The following CHST8 variants were observed in gnomAD, a reference collection of about 807,000 sequenced individuals.
CHST8 encodes carbohydrate sulfotransferase 8.
In CHST8, 10 loss-of-function variants were observed where a neutral mutation model predicts 15.0. That is an observed-to-expected ratio of 0.67 (90% CI 0.41 to 1.13). The LOEUF is 1.13. CHST8 is among the 50% of genes most tolerant of loss of function. CHST8 has a pLI of 0.00. For synonymous variants in CHST8, 259 were observed against 256.6 expected, an observed-to-expected ratio of 1.01 and a Z score of -0.09; for missense variants, 634 against 608.2, an observed-to-expected ratio of 1.04 and a Z score of -0.45.
chr19:33,662,694 G>A (rs772229370), intron 1 of CHST8, among the ~76,000 whole-genome samples: 18 of 152,192 alleles, frequency 1.2e-4, no homozygotes, highest in Non-Finnish European at 1.8e-4. Context: ...GTGAAGGGAG[G>A]AGGGGAAGAA....
chr19:33,625,786 T>G (rs949172137), intron 1 of CHST8, among the ~76,000 whole-genome samples: 3 of 152,116 alleles, frequency 2.0e-5, no homozygotes, highest in African/African-American at 7.2e-5. Flanking sequence ...CACTTGAACC[T>G]GGGAGACAGA....
intron 3 of CHST8, among the ~76,000 whole-genome samples, chr19:33,696,628 C>T (rs889711543): frequency 6.6e-6 from 1 of 151,992 alleles, no homozygotes; most frequent in Non-Finnish European, 1.5e-5. Context: ...TGAACCACCT[C>T]GAAACCACCA....
At chr19:33,699,916 C>T (rs73926588) in intron 3 of CHST8, among the ~76,000 whole-genome samples, 4,449 of 152,236 alleles carry the variant, frequency 0.029, 197 homozygotes, top group African/African-American at 0.1. Flanking sequence ...ACCACAGGAG[C>T]GCCTGCTAAG....
chr19:33,757,528 G>GAAGGAAAGAA, intron 3 of CHST8, among the ~76,000 whole-genome samples: 1 of 30,870 alleles, frequency 3.2e-5, no homozygotes, highest in African/African-American at 1.3e-4. Context: ...GAAAGAGAAA[G>GAAGGAAAGAA]AAAGAAAGAA....
At chr19:33,690,622 C>G (rs919326927) in intron 3 of CHST8, among the ~76,000 whole-genome samples, 3 of 152,130 alleles carry the variant, frequency 2.0e-5, no homozygotes, top group Non-Finnish European at 2.9e-5. Context: ...AGATGGTGGG[C>G]GAGTCATCGG....
chr19:33,655,228 G>C (rs1442099534), intron 1 of CHST8, among the ~76,000 whole-genome samples: 1 of 152,126 alleles, frequency 6.6e-6, no homozygotes, highest in Non-Finnish European at 1.5e-5. Context: ...GTAGAGACAG[G>C]GTTTTGCCAT....
intron 3 of CHST8, among the ~76,000 whole-genome samples, chr19:33,765,550 T>A (rs1307645349): frequency 1.0e-5 from 1 of 100,324 alleles, no homozygotes; most frequent in African/African-American, 4.1e-5. Context: ...TGTGTGTGTG[T>A]GTGTCAGAGA....
intron 1 of CHST8, 118 bp from the exon 2 acceptor site, chr19:33,667,649 C>T (rs886370697): frequency 6.6e-6 from 1 of 152,152 alleles, no homozygotes; most frequent in African/African-American, 2.4e-5. Flanking sequence ...AATCATTACC[C>T]GCAGCACAGA....
intron 3 of CHST8, among the ~76,000 whole-genome samples, chr19:33,759,309 C>G (rs1400557262): frequency 1.3e-5 from 2 of 152,224 alleles, no homozygotes; most frequent in Non-Finnish European, 2.9e-5. Context: ...TTATTTAGAC[C>G]AAATGAGGTG....
intron 3 of CHST8, among the ~76,000 whole-genome samples, chr19:33,725,048 T>A (rs1352790946): frequency 2.6e-5 from 4 of 152,008 alleles, no homozygotes; most frequent in African/African-American, 9.7e-5. Context: ...CACTGCTGTG[T>A]GTGCAAGTGC....
chr19:33,771,740 C>T (rs542211031), intron 4 of CHST8, among the ~76,000 whole-genome samples: 1 of 152,290 alleles, frequency 6.6e-6, no homozygotes, highest in Non-Finnish European at 1.5e-5. Context: ...GAGGACCGCG[C>T]CATCTTGTGG....
Position 33,752,593 on chromosome 19 carries a change from C to T in CHST8, c.131-18820C>T, listed in dbSNP as rs1454212078. On this transcript the variant is annotated intron_variant, in intron 3 of 4. Transcript: ENST00000650847. ...CAGTTCCCCGGGGAGTCGCAGAAGT[C>T]GCATCTGACCCTTCCCGCCGCCCCA... is the stretch of plus-strand genomic sequence containing the variant. 3.9e-5 allele frequency among the ~76,000 whole-genome samples: 6 copies of T among 152,090 alleles called. No homozygotes were observed. The East Asian group carries it at 9.6e-4, about 24-fold the overall frequency.
intron 1 of CHST8, among the ~76,000 whole-genome samples, chr19:33,658,950 C>T (rs73589015): frequency 0.014 from 2,061 of 151,080 alleles, 48 homozygotes; most frequent in African/African-American, 0.047. Context: ...GACTATTCTT[C>T]TTCTAATGGA....
rs1319499743 is a variant in CHST8 at position 33,773,064 on chromosome 19, G to A, written c.*1G>A. The stretch of plus-strand genomic sequence containing the variant: ...CAAGCCCTTTGCAGATCTGTACTGA[G>A]GGGCGCCGCAGCTGGCCGGGGCCGC... On this transcript the variant is annotated 3_prime_UTR_variant, in exon 5 of 5. Coordinates refer to ENST00000650847, the MANE Select transcript of CHST8 (RefSeq NM_001127895.2). 1.3e-6 allele frequency: 2 copies of A among 1,588,838 alleles called. No homozygotes were observed. The highest frequency in any genetic ancestry group is 1.7e-5 in the Admixed American group (1 of 59,264).
At chr19:33,727,936 T>A (rs942441853) in intron 3 of CHST8, among the ~76,000 whole-genome samples, 2 of 152,212 alleles carry the variant, frequency 1.3e-5, no homozygotes, top group African/African-American at 4.8e-5. Flanking sequence ...TGCTCTCCTC[T>A]GGCCCAGCCC....
chr19:33,664,451 C>T (rs993860927), intron 1 of CHST8, among the ~76,000 whole-genome samples: 1 of 104,118 alleles, frequency 9.6e-6, no homozygotes, highest in African/African-American at 5.0e-5. Context: ...CCTCCCCCCT[C>T]CCCACAACAG....
chr19:33,732,108 A>G (rs1974006180), intron 3 of CHST8, among the ~76,000 whole-genome samples: 1 of 152,146 alleles, frequency 6.6e-6, no homozygotes, highest in Non-Finnish European at 1.5e-5. Flanking sequence ...CTCTGTTGCA[A>G]TGCTGCCTCT....
chr19:33,734,667 T>C (rs751422256), intron 3 of CHST8, among the ~76,000 whole-genome samples: 35 of 152,178 alleles, frequency 2.3e-4, no homozygotes, highest in Middle Eastern at 3.4e-3. Flanking sequence ...GGAGAGCACT[T>C]TCTCAGTGCC....
chr19:33,698,173 AG>A (rs945424346), intron 3 of CHST8, among the ~76,000 whole-genome samples: 1 of 152,200 alleles, frequency 6.6e-6, no homozygotes, highest in Non-Finnish European at 1.5e-5. Flanking sequence ...GCTACTTGGG[AG>A]ACTGAGGCAG....
Sources: gnomAD v4.1 joint callset for allele counts (sites outside exome capture counted in the v4.1 genomes callset) on GRCh38, gnomAD v4.1.1 for gene constraint, MANE v1.5 for transcripts, NCBI Gene and HGNC (gene_info 2026-07-23, HGNC 2026-07-21) for gene names.